ARHGAP6: variants seen among roughly 807,000 people sequenced by gnomAD.
The protein encoded by ARHGAP6 is Rho GTPase activating protein 6, also known as rho GTPase-activating protein 6.
Under a neutral mutation model 55.7 loss-of-function variants are expected in ARHGAP6, and 16 were observed. That is an observed-to-expected ratio of 0.29 (90% CI 0.19 to 0.44). The LOEUF (loss-of-function observed/expected upper bound fraction) is 0.44. Among genes scored for constraint, ARHGAP6 ranks in the 20% least tolerant of loss-of-function variants. The pLI is 1.00. For synonymous variants in ARHGAP6, 382 were observed against 360.9 expected (o/e 1.06, Z -0.66); for missense variants, 698 against 808.9 (o/e 0.86, Z 1.66).
At chrX:11,214,495 G>A (rs1191529828) in intron 2 of ARHGAP6, among the ~76,000 whole-genome samples, 1 of 112,781 alleles carries the variant, frequency 8.9e-6, no homozygotes, top group East Asian at 2.8e-4. Context: ...GAGCCTGGGG[G>A]CAAGGTCCTA....
rs1251185760 is a variant in ARHGAP6 at position 11,193,690 on chromosome X, C to T, written c.820+3235G>A. On this transcript the variant is annotated intron_variant, in intron 3 of 12. Coordinates refer to ENST00000337414, the MANE Select transcript of ARHGAP6 (RefSeq NM_013427.3). Reference sequence around the variant, plus strand: ...CTTCCTTTTCCCACTTAGCTACCTTCGAGGCACTATAGAACATTTCAGAGT... The same window carrying T: ...CTTCCTTTTCCCACTTAGCTACCTTTGAGGCACTATAGAACATTTCAGAGT... 6.2e-5 allele frequency among the ~76,000 whole-genome samples: 7 copies of T among 112,450 alleles called. No individual in the cohort carries two copies. The East Asian group carries it at 1.9e-3, about 31-fold the overall frequency.
At chrX:11,394,130 T>C (rs1274493000) in intron 1 of ARHGAP6, among the ~76,000 whole-genome samples, 3 of 111,846 alleles carry the variant, frequency 2.7e-5, no homozygotes, top group Admixed American at 9.5e-5. Context: ...CAAAAATAAA[T>C]GTGCACTCAC....
At position 11,592,292 on chromosome X, in the gene ARHGAP6, C is replaced by T. The variant is rs970295464; in HGVS notation, c.588+71949G>A. 3.6e-5 allele frequency among the ~76,000 whole-genome samples: 4 copies of T among 111,888 alleles called. No individual in the cohort carries two copies. The South Asian group carries it at 1.5e-3, about 42-fold the overall frequency. Reference sequence around the variant, plus strand: ...ACACCAATCAGCCATTGGCTGACACCCCTACCTCCACCCCTGCCTGGAATA... The same window carrying T: ...ACACCAATCAGCCATTGGCTGACACTCCTACCTCCACCCCTGCCTGGAATA... On this transcript the variant is annotated intron_variant, in intron 1 of 12. Coordinates refer to ENST00000337414, the MANE Select transcript of ARHGAP6 (RefSeq NM_013427.3).
chrX:11,613,721 C>T (rs932803268), intron 1 of ARHGAP6, among the ~76,000 whole-genome samples: 1 of 112,081 alleles, frequency 8.9e-6, no homozygotes, highest in East Asian at 2.8e-4. Flanking sequence ...TAGTTTGTGA[C>T]CAGGCTGCCA....
chrX:11,540,047 A>G (rs1401862022), intron 1 of ARHGAP6, among the ~76,000 whole-genome samples: 1 of 110,175 alleles, frequency 9.1e-6, no homozygotes, highest in East Asian at 2.8e-4. Context: ...TGAGGTCAGG[A>G]GTTCAAGACC....
chrX:11,574,965 TTGCAGTTTTCACC>T (rs1312293164), intron 1 of ARHGAP6, among the ~76,000 whole-genome samples: 34 of 111,933 alleles, frequency 3.0e-4, no homozygotes, highest in Admixed American at 6.7e-4. Context: ...CAGATCAATT[TTGCAGTTTTCACC>T]TGCATAGCAA....
intron 1 of ARHGAP6, among the ~76,000 whole-genome samples, chrX:11,474,038 G>A (rs2050378768): frequency 9.0e-6 from 1 of 111,235 alleles, no homozygotes; most frequent in African/African-American, 3.3e-5. Context: ...TCTTTGCAAA[G>A]TGAAATTCAA....
At position 11,413,325 on chromosome X, in the gene ARHGAP6, G is replaced by A. The variant is rs1223896393; in HGVS notation, c.589-158618C>T. On this transcript the variant is annotated intron_variant, in intron 1 of 12. Transcript: ENST00000337414. ...GCTGCTGAGCTCTAAGACAAGACCTGCAGGAAATGATAGCGGGAGGCCATG... is the reference window on the plus strand; with the variant it reads ...GCTGCTGAGCTCTAAGACAAGACCTACAGGAAATGATAGCGGGAGGCCATG... Among the ~76,000 whole-genome samples the A allele has an allele frequency of 3.6e-5, 4 of 112,480 alleles. No individual in the cohort carries two copies. In the East Asian group the frequency reaches 1.1e-3, roughly 31 times the overall value.
At chrX:11,191,312 C>A (rs959349654) in intron 3 of ARHGAP6, among the ~76,000 whole-genome samples, 1 of 111,702 alleles carries the variant, frequency 9.0e-6, no homozygotes, top group Non-Finnish European at 1.9e-5. Flanking sequence ...AGCCTCCGCA[C>A]TGTTGGCAGG....
chrX:11,449,456 G>C (rs1041133828), intron 1 of ARHGAP6, among the ~76,000 whole-genome samples: 1 of 111,762 alleles, frequency 8.9e-6, no homozygotes, highest in African/African-American at 3.3e-5. Context: ...TTTCTCTCCC[G>C]CCTGGGCACA....
chrX:11,597,654 G>T (rs774612214), intron 1 of ARHGAP6, among the ~76,000 whole-genome samples: 63 of 112,118 alleles, frequency 5.6e-4, no homozygotes, highest in Non-Finnish European at 1.1e-3. Context: ...TTTTTAATCA[G>T]AAACTGACAG....
At chrX:11,450,385 G>A (rs2050133971) in intron 1 of ARHGAP6, among the ~76,000 whole-genome samples, 1 of 111,932 alleles carries the variant, frequency 8.9e-6, no homozygotes, top group African/African-American at 3.3e-5. Flanking sequence ...TCATTTCAAC[G>A]TGCTCAGCTA....
chrX:11,660,544 A>C lies in ARHGAP6; in HGVS notation c.588+3697T>G, dbSNP rs898810907. On this transcript the variant is annotated intron_variant, in intron 1 of 12. Transcript: ENST00000337414. ...TCTCTCTCTCTCAAAAAAAAAAAAAAAAAAAAAAAAAAAAAAAAAAAAAAA... is the reference window on the plus strand; with the variant it reads ...TCTCTCTCTCTCAAAAAAAAAAAAACAAAAAAAAAAAAAAAAAAAAAAAAA... Among the ~76,000 whole-genome samples, 77 of 48,864 alleles carry C rather than the reference A, an allele frequency of 1.6e-3. 1 individual carries two copies. Among genetic ancestry groups the C allele is most frequent in the African/African-American group, 4.6e-3 (74 of 15,915 alleles). 42.4% of individuals were successfully genotyped at this position (48,864 alleles called of 115,157 possible). A position where few individuals can be genotyped will look rare whatever the true frequency, so the allele number is the denominator to read the frequency against.
At chrX:11,401,028 C>T (rs2049542068) in intron 1 of ARHGAP6, among the ~76,000 whole-genome samples, 1 of 112,279 alleles carries the variant, frequency 8.9e-6, no homozygotes, top group South Asian at 3.7e-4. Flanking sequence ...ACATTCTTGT[C>T]ACATTCATCC....
intron 1 of ARHGAP6, among the ~76,000 whole-genome samples, chrX:11,647,757 G>A (rs1309370723): frequency 8.9e-6 from 1 of 112,299 alleles, no homozygotes; most frequent in Non-Finnish European, 1.9e-5. Context: ...GATAAACAGT[G>A]ACACTTGGTG....
intron 1 of ARHGAP6, among the ~76,000 whole-genome samples, chrX:11,356,416 AC>A (rs1276427644): frequency 8.9e-6 from 1 of 111,998 alleles, no homozygotes; most frequent in Non-Finnish European, 1.9e-5. Flanking sequence ...GTATCCCAGA[AC>A]TTAAAGCAAA....
intron 4 of ARHGAP6, 54 bp downstream of exon 4, chrX:11,188,674 G>A: frequency 3.4e-6 from 4 of 1,167,858 alleles, no homozygotes; most frequent in South Asian, 2.0e-5. Flanking sequence ...AAGAATAACT[G>A]TACATCTTCA....
At chrX:11,300,832 C>A (rs956476459) in intron 1 of ARHGAP6, 110 of 369,129 alleles carry the variant, frequency 3.0e-4, no homozygotes, top group Non-Finnish European at 4.1e-4. Flanking sequence ...AATGAGTATT[C>A]TTGAATCAGG....
intron 1 of ARHGAP6, among the ~76,000 whole-genome samples, chrX:11,568,404 A>G (rs2051471152): frequency 8.9e-6 from 1 of 112,672 alleles, no homozygotes; most frequent in Non-Finnish European, 1.9e-5. Context: ...ATTCTCTTCA[A>G]TCCTGAAGCA....
Sources: allele counts gnomAD v4.1 joint callset (sites outside exome capture counted in the v4.1 genomes callset), GRCh38; gene constraint gnomAD v4.1.1; transcripts MANE v1.5; gene names NCBI Gene and HGNC (gene_info 2026-07-23, HGNC 2026-07-21).